The following PAK2 variants were observed in gnomAD, a reference collection of about 807,000 sequenced individuals.
The protein encoded by PAK2 is p21 (RAC1) activated kinase 2.
Under a neutral mutation model 65.9 loss-of-function variants are expected in PAK2, and 21 were observed. The observed-to-expected ratio is 0.32, with a 90% CI of 0.23 to 0.46. The LOEUF is 0.46. PAK2 is among the 20% of genes least tolerant of loss of function. The probability of loss-of-function intolerance (pLI) is 1.00; values close to 1 mark genes in which losing one functional copy is unlikely to be tolerated. For synonymous variants in PAK2, 204 were observed against 219.7 expected (o/e 0.93, Z 0.63); for missense variants, 324 against 642.6 (o/e 0.50, Z 5.36).
In PAK2 at chr3:196,830,980, G is replaced by A. The variant is rs1017127564; in HGVS notation, c.*2575G>A. 2.6e-5 allele frequency: 4 copies of A among 152,158 alleles called. No homozygotes were observed. The highest frequency in any genetic ancestry group is 4.4e-5 in the Non-Finnish European group (3 of 68,050). 9.4% of individuals were successfully genotyped at this position (152,158 alleles called of 1,614,324 possible). On this transcript the variant is annotated 3_prime_UTR_variant, in exon 15 of 15. Coordinates refer to ENST00000327134, the MANE Select transcript of PAK2 (RefSeq NM_002577.4). ...CAGCTCACTGCAACCTCCGCTTCCT[G>A]GGTTCAAGCAATTCTCATGCCTCAG... is the stretch of plus-strand genomic sequence containing the variant.
intron 1 of PAK2, among the ~76,000 whole-genome samples, chr3:196,751,129 G>T (rs926002049): frequency 6.6e-6 from 1 of 151,996 alleles, no homozygotes; most frequent in Non-Finnish European, 1.5e-5. Context: ...AACTGGAATC[G>T]TGCAATGTTT....
At chr3:196,807,605 AC>A (rs1176934675) in intron 6 of PAK2, among the ~76,000 whole-genome samples, 176 bp from the exon 7 acceptor site, 6 of 152,184 alleles carry the variant, frequency 3.9e-5, no homozygotes, top group Non-Finnish European at 7.3e-5. Context: ...AAAATGTTTC[AC>A]ATTTATTCTT....
chr3:196,762,358 G>T lies in PAK2; in HGVS notation c.-21-20268G>T, dbSNP rs368505577. 5.1e-3 allele frequency among the ~76,000 whole-genome samples: 708 copies of T among 139,980 alleles called. 5 individuals are homozygous for T. The highest frequency in any genetic ancestry group is 0.017 in the African/African-American group (638 of 38,438). The allele number at this position is 139,980 out of a possible 152,430, so 91.8% of individuals were successfully genotyped here. ...GGCCAAGGCAGGCGGCTGGGAGGTG[G>T]AGGTTGTAGTGAGCCGAGATCACGC... On this transcript the variant is annotated intron_variant, in intron 1 of 14. Coordinates refer to ENST00000327134, the MANE Select transcript of PAK2 (RefSeq NM_002577.4).
rs1471247607 is a variant in PAK2, at chr3:196,761,844, C to G, written c.-21-20782C>G. ...GGCCGGGCGGGGGGCTGACCCCCCC[C>G]CACCTCCCTCCCGGACGGGGTGGCT... On this transcript the variant is annotated intron_variant, in intron 1 of 14. Transcript: ENST00000327134. 9.6e-5 allele frequency among the ~76,000 whole-genome samples: 14 copies of G among 146,202 alleles called. No individual in the cohort carries two copies. The South Asian group carries it at 2.6e-3, about 27-fold the overall frequency.
chr3:196,764,707 T>C (rs931357475), intron 1 of PAK2, among the ~76,000 whole-genome samples: 2 of 151,902 alleles, frequency 1.3e-5, no homozygotes, highest in African/African-American at 4.8e-5. Flanking sequence ...TTTTTTAAAA[T>C]AGCGTCTTGC....
chr3:196,759,404 T>C (rs377213898), intron 1 of PAK2, among the ~76,000 whole-genome samples: 2 of 152,168 alleles, frequency 1.3e-5, no homozygotes, highest in East Asian at 3.9e-4. Flanking sequence ...TTGGTTTCTT[T>C]CTTTTCCTTA....
chr3:196,754,697 C>T (rs1410853576), intron 1 of PAK2, among the ~76,000 whole-genome samples: 1 of 152,216 alleles, frequency 6.6e-6, no homozygotes, highest in East Asian at 1.9e-4. Context: ...TGTGTCCATT[C>T]GGGTTTTCCT....
At chr3:196,794,494 G>GA (rs1384543894) in intron 2 of PAK2, among the ~76,000 whole-genome samples, 2 of 152,156 alleles carry the variant, frequency 1.3e-5, no homozygotes, top group East Asian at 1.9e-4. Flanking sequence ...CCAAGTGTGG[G>GA]AAAATCTCCC....
chr3:196,799,527 C>T (rs1166971306), intron 2 of PAK2, among the ~76,000 whole-genome samples: 1 of 152,180 alleles, frequency 6.6e-6, no homozygotes, highest in Non-Finnish European at 1.5e-5. Context: ...TGGCCCTCTC[C>T]TGCTCTCTTT....
chr3:196,824,609 A>G (rs1711767700), intron 13 of PAK2, among the ~76,000 whole-genome samples: 1 of 152,160 alleles, frequency 6.6e-6, no homozygotes, highest in Non-Finnish European at 1.5e-5. Context: ...TAGGTGAAGC[A>G]CAGGGAATTT....
intron 1 of PAK2, among the ~76,000 whole-genome samples, chr3:196,749,286 T>C (rs1297014839): frequency 6.6e-6 from 1 of 152,126 alleles, no homozygotes; most frequent in Non-Finnish European, 1.5e-5. Context: ...CTGGGTCATA[T>C]GATAATTCTG....
chr3:196,756,920 G>C (rs1713789302), intron 1 of PAK2, among the ~76,000 whole-genome samples: 2 of 152,208 alleles, frequency 1.3e-5, no homozygotes, highest in African/African-American at 4.8e-5. Context: ...TCTCAGCAAG[G>C]CAGTTTTACT....
chr3:196,743,980 G>A (rs844544), intron 1 of PAK2, among the ~76,000 whole-genome samples: 148,412 of 152,372 alleles, frequency 0.97, 72,293 homozygotes, highest in East Asian at 1. Flanking sequence ...TGAATAAAAT[G>A]TAATTTTTCA....
At chr3:196,811,306 T>C (rs796928890) in intron 8 of PAK2, among the ~76,000 whole-genome samples, 119 of 4,620 alleles carry the variant, frequency 0.026, 2 homozygotes, top group African/African-American at 0.046. Flanking sequence ...CCTCCCTTCC[T>C]TCCCTTCCTT....
At position 196,830,556 on chromosome 3, in the gene PAK2, T is replaced by G. The variant is rs1459799228; in HGVS notation, c.*2151T>G. 6.6e-6 allele frequency: 1 copy of G among 152,232 alleles called. No individual in the cohort carries two copies. The highest frequency in any genetic ancestry group is 2.4e-5 in the African/African-American group (1 of 41,468). 9.4% of individuals were successfully genotyped at this position (152,232 alleles called of 1,614,324 possible). A position where few individuals can be genotyped will look rare whatever the true frequency, so the allele number is the denominator to read the frequency against. ...TCCTCACTGACTATGTGCCAACGCC[T>G]CGTTTCAGGCTTGTGACTCAACAAA... On this transcript the variant is annotated 3_prime_UTR_variant, in exon 15 of 15. Transcript: ENST00000327134.
At chr3:196,798,242 A>G (rs1250488109) in intron 2 of PAK2, among the ~76,000 whole-genome samples, 2 of 152,132 alleles carry the variant, frequency 1.3e-5, no homozygotes, top group African/African-American at 4.8e-5. Context: ...GGGAGGAGAG[A>G]CACATTACCA....
chr3:196,745,481 A>G (rs2108705043), intron 1 of PAK2, among the ~76,000 whole-genome samples: 1 of 152,020 alleles, frequency 6.6e-6, no homozygotes, highest in African/African-American at 2.4e-5. Context: ...GGGATAAAAG[A>G]GTTTTAAAAT....
intron 13 of PAK2, among the ~76,000 whole-genome samples, chr3:196,822,525 C>CA (rs1409969022): frequency 6.6e-6 from 1 of 151,932 alleles, no homozygotes; most frequent in Non-Finnish European, 1.5e-5. Flanking sequence ...CCCATCTCTA[C>CA]AAAAAAATTT....
chr3:196,773,459 A>G (rs1714423882), intron 1 of PAK2, among the ~76,000 whole-genome samples: 1 of 152,206 alleles, frequency 6.6e-6, no homozygotes, highest in Non-Finnish European at 1.5e-5. Flanking sequence ...CACAAAAAAT[A>G]CTGTTTTATG....
Sources: gnomAD v4.1 joint callset for allele counts (sites outside exome capture counted in the v4.1 genomes callset) on GRCh38, gnomAD v4.1.1 for gene constraint, MANE v1.5 for transcripts, NCBI Gene and HGNC (gene_info 2026-07-23, HGNC 2026-07-21) for gene names.